SPOCK1: variants seen among roughly 807,000 people sequenced by gnomAD.
SPOCK1 encodes testican-1.
SPOCK1 carries 23 observed loss-of-function variants against 55.3 expected under a neutral mutation model. The ratio of observed to expected loss-of-function variants is 0.42; its 90% CI spans 0.30 to 0.59. The LOEUF is 0.59. SPOCK1 is among the 20% of genes least tolerant of loss of function. The probability of loss-of-function intolerance (pLI) is 0.22; values close to 1 mark genes in which losing one functional copy is unlikely to be tolerated. For synonymous variants in SPOCK1, 226 were observed against 221.0 expected, an observed-to-expected ratio of 1.02 and a Z score of -0.20; for missense variants, 499 against 552.5, an observed-to-expected ratio of 0.90 and a Z score of 0.97.
chr5:137,339,420 A>C (rs1750363840), intron 2 of SPOCK1, among the ~76,000 whole-genome samples: 1 of 152,230 alleles, frequency 6.6e-6, no homozygotes, highest in African/African-American at 2.4e-5. Context: ...ATGTATATAT[A>C]AAGGCCTTTA....
At chr5:137,335,132 A>AT (rs1176086803) in intron 2 of SPOCK1, among the ~76,000 whole-genome samples, 1 of 152,236 alleles carries the variant, frequency 6.6e-6, no homozygotes, top group East Asian at 1.9e-4. Flanking sequence ...TATAGTTGCA[A>AT]AACTTGTAAT....
chr5:137,377,151 T>G (rs1456072236), intron 2 of SPOCK1, among the ~76,000 whole-genome samples: 2 of 152,196 alleles, frequency 1.3e-5, no homozygotes, highest in Non-Finnish European at 2.9e-5. Flanking sequence ...ATGAGGCAAA[T>G]TAATTGTACC....
Position 137,079,537 on chromosome 5 carries a change from C to G in SPOCK1, c.475-11708G>C, listed in dbSNP as rs11424762. On this transcript the variant is annotated intron_variant, in intron 5 of 10. Transcript: ENST00000394945. Reference sequence around the variant, plus strand: ...TCTCCTACCATCCCATCTGATTCCCCCCCCCCCCGACTTAGTGAAATGTCG... The same window carrying G: ...TCTCCTACCATCCCATCTGATTCCCGCCCCCCCCGACTTAGTGAAATGTCG... 5.8e-4 allele frequency among the ~76,000 whole-genome samples: 53 copies of G among 91,808 alleles called. 2 individuals are homozygous for G. The South Asian group carries it at 8.4e-3, about 14-fold the overall frequency. The allele number at this position is 91,808 out of a possible 152,430, so 60.2% of individuals were successfully genotyped here.
At chr5:137,471,982 C>T (rs1489175837) in intron 2 of SPOCK1, among the ~76,000 whole-genome samples, 19 of 152,288 alleles carry the variant, frequency 1.2e-4, no homozygotes, top group South Asian at 2.1e-4. Flanking sequence ...AACAGAGCAA[C>T]TGACAAGGGT....
rs956564661 is a variant in SPOCK1, at chr5:137,499,190, G to C, written c.-12C>G. The C allele has an allele frequency of 3.3e-5, 5 of 151,710 alleles. No homozygotes were observed. Among genetic ancestry groups the C allele is most frequent in the Admixed American group, 2.0e-4 (3 of 15,240 alleles). 9.4% of individuals were successfully genotyped at this position (151,710 alleles called of 1,614,324 possible). A position where few individuals can be genotyped will look rare whatever the true frequency, so the allele number is the denominator to read the frequency against. Reference sequence around the variant, plus strand: ...CTCTGGGCACGTACCTTGGGGGCCGGCCCGGGTCCCCTAGTCCGAGTTGCT... The same window carrying C: ...CTCTGGGCACGTACCTTGGGGGCCGCCCCGGGTCCCCTAGTCCGAGTTGCT... On this transcript the variant is annotated 5_prime_UTR_variant, in exon 1 of 11. Transcript: ENST00000394945.
chr5:137,341,717 G>T (rs1020878621), intron 2 of SPOCK1, among the ~76,000 whole-genome samples: 13 of 152,162 alleles, frequency 8.5e-5, no homozygotes, highest in African/African-American at 3.1e-4. Flanking sequence ...CTCTTGCTGA[G>T]AGTAGAGACG....
At position 137,140,813 on chromosome 5, in the gene SPOCK1, C is replaced by T. The variant is rs572672371; in HGVS notation, c.233-119G>A. 3.6e-4 allele frequency: 204 copies of T among 573,806 alleles called. 1 individual carries two copies. Among genetic ancestry groups the T allele is most frequent in the Non-Finnish European group, 4.1e-4 (151 of 371,604 alleles). 35.5% of individuals were successfully genotyped at this position (573,806 alleles called of 1,614,324 possible). On this transcript the variant is annotated intron_variant, in intron 3 of 10. Coordinates refer to ENST00000394945, the MANE Select transcript of SPOCK1 (RefSeq NM_004598.4). ...TCGCTGTGTTGCCCAGACTGGTGTG[C>T]GGTGGCGCGATCTCAGCTCACTGCA...
chr5:137,272,127 T>A (rs550326871), intron 2 of SPOCK1, among the ~76,000 whole-genome samples: 25 of 151,990 alleles, frequency 1.6e-4, no homozygotes, highest in African/African-American at 5.8e-4. Context: ...AGAACTGAGT[T>A]TGTAGATCCC....
chr5:137,174,609 C>T (rs1460098011), intron 3 of SPOCK1, among the ~76,000 whole-genome samples: 1 of 152,212 alleles, frequency 6.6e-6, no homozygotes, highest in African/African-American at 2.4e-5. Flanking sequence ...TGTCTGCATC[C>T]GTGGGGCAGA....
At chr5:137,371,324 A>C (rs1353536731) in intron 2 of SPOCK1, among the ~76,000 whole-genome samples, 1 of 152,238 alleles carries the variant, frequency 6.6e-6, no homozygotes, top group African/African-American at 2.4e-5. Context: ...TTGGAGGGCT[A>C]CTGTGAGCAT....
chr5:137,389,485 T>G (rs898244551), intron 2 of SPOCK1, among the ~76,000 whole-genome samples: 4 of 152,250 alleles, frequency 2.6e-5, no homozygotes, highest in African/African-American at 9.6e-5. Context: ...CTTTGTGGAT[T>G]TGACACATGG....
Position 137,171,840 on chromosome 5 carries a change from C to G in SPOCK1, c.233-31146G>C, listed in dbSNP as rs962528429. 2.6e-5 allele frequency among the ~76,000 whole-genome samples: 4 copies of G among 152,124 alleles called. No individual in the cohort carries two copies. In the South Asian group the frequency reaches 6.2e-4, roughly 24 times the overall value. On this transcript the variant is annotated intron_variant, in intron 3 of 10. Coordinates refer to ENST00000394945, the MANE Select transcript of SPOCK1 (RefSeq NM_004598.4). ...ATATCTGAGAGGGCAACATCAGTAT[C>G]CTCGTACCTTTCTAATAAACATATG... is the stretch of plus-strand genomic sequence containing the variant.
intron 4 of SPOCK1, among the ~76,000 whole-genome samples, chr5:137,127,779 G>A (rs1230511692): frequency 6.6e-6 from 1 of 152,178 alleles, no homozygotes; most frequent in African/African-American, 2.4e-5. Flanking sequence ...TTCACAGCTG[G>A]AGAGCAATTT....
rs573816322 is a variant in SPOCK1, at chr5:137,171,959, G to A, written c.233-31265C>T. 8.5e-5 allele frequency among the ~76,000 whole-genome samples: 13 copies of A among 152,266 alleles called. No individual in the cohort carries two copies. The South Asian group carries it at 1.2e-3, about 15-fold the overall frequency. On this transcript the variant is annotated intron_variant, in intron 3 of 10. Coordinates refer to ENST00000394945, the MANE Select transcript of SPOCK1 (RefSeq NM_004598.4). The stretch of plus-strand genomic sequence containing the variant: ...CTCCTGTCCTGTTCATCTTACATAC[G>A]AAACCACCATGAACAATTTGCCTCT...
intron 6 of SPOCK1, among the ~76,000 whole-genome samples, chr5:137,010,213 G>A (rs887405142): frequency 5.3e-5 from 8 of 152,054 alleles, no homozygotes; most frequent in African/African-American, 1.7e-4. Context: ...AGAGTGCCTG[G>A]CCAAAAGTCG....
In SPOCK1 at chr5:137,057,936, G is replaced by A. The variant is rs569171133; in HGVS notation, c.589+9779C>T. The stretch of plus-strand genomic sequence containing the variant: ...TATCAGAAAAGCATAATATGGTGAT[G>A]AACAATGAGCCCATGCCAGTGTTTT... On this transcript the variant is annotated intron_variant, in intron 6 of 10. Transcript: ENST00000394945. Among the ~76,000 whole-genome samples, 10 of 152,298 alleles carry A rather than the reference G, an allele frequency of 6.6e-5. No individual in the cohort carries two copies. The South Asian group carries it at 1.2e-3, about 19-fold the overall frequency.
At chr5:137,193,427 T>C (rs1367987273) in intron 3 of SPOCK1, among the ~76,000 whole-genome samples, 3 of 152,102 alleles carry the variant, frequency 2.0e-5, no homozygotes, top group Admixed American at 6.5e-5. Flanking sequence ...AACTGGGTGA[T>C]GGAGGCCCTG....
At chr5:137,426,229 C>T (rs1752607918) in intron 2 of SPOCK1, among the ~76,000 whole-genome samples, 1 of 152,190 alleles carries the variant, frequency 6.6e-6, no homozygotes, top group Admixed American at 6.5e-5. Flanking sequence ...ATCATCATTG[C>T]TGTTATTTGA....
Position 137,140,631 on chromosome 5 carries a change from G to A in SPOCK1, c.296C>T (p.Thr99Ile). 1 of 1,614,036 alleles carries A rather than the reference G, an allele frequency of 6.2e-7. No homozygotes were observed. The highest frequency in any genetic ancestry group is 8.5e-7 in the Non-Finnish European group (1 of 1,179,984). ...ACACAGGGCGGTCTGGTAGTCCTGGGTCACACACACTTTGTGAGGGCTGCA... is the reference window on the plus strand; with the variant it reads ...ACACAGGGCGGTCTGGTAGTCCTGGATCACACACACTTTGTGAGGGCTGCA... ...VKCSPHKVCV[T>I]QDYQTALCVS... Residue 99 changes from threonine to isoleucine, a missense_variant, in exon 4 of 11, where the codon ACC becomes ATC. Physicochemically the swap from Thr to Ile is moderately conservative, Grantham distance 89. Around this residue, in one of 3 missense-constraint regions of SPOCK1, gnomAD observed 386 missense variants for 400.6 expected, o/e 0.96. Coordinates refer to ENST00000394945, the MANE Select transcript of SPOCK1 (RefSeq NM_004598.4).
Sources: allele counts gnomAD v4.1 joint callset (sites outside exome capture counted in the v4.1 genomes callset), GRCh38; gene constraint gnomAD v4.1.1; regional missense constraint gnomAD v4.1.1; transcripts MANE v1.5; gene names NCBI Gene and HGNC (gene_info 2026-07-23, HGNC 2026-07-21).